The following JMJD1C variants were observed in gnomAD, a reference collection of about 807,000 sequenced individuals.
JMJD1C encodes the protein jumonji domain containing 1C, also known as jumonji domain-containing protein 1C.
Under a neutral mutation model 245.3 loss-of-function variants are expected in JMJD1C, and 31 were observed. That is an observed-to-expected ratio of 0.13 (90% confidence interval 0.09 to 0.17). The LOEUF is 0.17. Among genes scored for constraint, JMJD1C ranks in the 10% least tolerant of loss-of-function variants. The pLI is 1.00. For missense variants in JMJD1C, 2,691 were observed against 3,000.2 expected (o/e 0.90, Z 2.41); for synonymous variants, 1,057 against 1,017.4 (o/e 1.04, Z -0.74).
chr10:63,207,891 A>G lies in JMJD1C; in HGVS notation c.3778T>C (p.Ser1260Pro). 6.2e-7 allele frequency: 1 copy of G among 1,614,004 alleles called. No individual in the cohort carries two copies. Among genetic ancestry groups the G allele is most frequent in the Non-Finnish European group, 8.5e-7 (1 of 1,179,972 alleles). Reference sequence around the variant, plus strand: ...GAAGAACTCTTAAAATTTGCCTGGGAGTCTTTTGGTTCGGGTATTAGAGTT... The same window carrying G: ...GAAGAACTCTTAAAATTTGCCTGGGGGTCTTTTGGTTCGGGTATTAGAGTT... Reference protein sequence around the residue: ...PPTLIPEPKDSQANFKSSSEQ... With the variant: ...PPTLIPEPKDPQANFKSSSEQ... The change falls in exon 10 of 26, where the codon TCC becomes CCC. Residue 1260 changes from serine to proline, a missense_variant. Physicochemically the swap from Ser to Pro is moderately conservative, Grantham distance 74 (BLOSUM62 -1). Transcript: ENST00000399262.
At chr10:63,211,847 A>AAC (rs1847392249) in intron 8 of JMJD1C, among the ~76,000 whole-genome samples, 6 of 135,576 alleles carry the variant, frequency 4.4e-5, no homozygotes, top group African/African-American at 8.0e-5. Flanking sequence ...AAAAAAAAAA[A>AAC]CCCCACAAAA....
chr10:63,446,676 G>A (rs1184240236), intron 1 of JMJD1C, among the ~76,000 whole-genome samples: 2 of 152,148 alleles, frequency 1.3e-5, no homozygotes, highest in East Asian at 3.9e-4. Context: ...AGTACTTGAA[G>A]GAAAAGAAGG....
chr10:63,244,966 A>C (rs1851987894), intron 3 of JMJD1C, among the ~76,000 whole-genome samples: 1 of 151,864 alleles, frequency 6.6e-6, no homozygotes, highest in Admixed American at 6.6e-5. Context: ...GTGAAACCCC[A>C]CTTCTACTAA....
chr10:63,202,613 CTCTCTG>C (rs1846153746), intron 10 of JMJD1C: 8 of 985,436 alleles, frequency 8.1e-6, no homozygotes, highest in Admixed American at 6.1e-5. Flanking sequence ...ATGCTTTCCC[CTCTCTG>C]TCTCTAACTT....
chr10:63,392,399 A>C (rs769106792), intron 1 of JMJD1C, among the ~76,000 whole-genome samples: 2 of 152,196 alleles, frequency 1.3e-5, no homozygotes, highest in Non-Finnish European at 2.9e-5. Flanking sequence ...TCTGCACGGC[A>C]AAGGAAACAA....
At chr10:63,208,962 A>G in intron 9 of JMJD1C, 101 bp downstream of exon 9, 2 of 1,146,280 alleles carry the variant, frequency 1.7e-6, no homozygotes, top group Non-Finnish European at 1.2e-6. Context: ...AACAAAGCCT[A>G]ATCTTAAGAT....
intron 10 of JMJD1C, among the ~76,000 whole-genome samples, chr10:63,205,725 G>T (rs1028675738): frequency 2.6e-5 from 4 of 152,182 alleles, no homozygotes; most frequent in African/African-American, 9.7e-5. Context: ...GTAGATAATT[G>T]TAACACAAAG....
intron 2 of JMJD1C, among the ~76,000 whole-genome samples, chr10:63,314,132 A>T (rs1438076051): frequency 2.6e-5 from 4 of 152,184 alleles, no homozygotes; most frequent in African/African-American, 4.8e-5. Context: ...TCATTCTTCT[A>T]CATGTGACTT....
chr10:63,204,145 A>G (rs1431248499), intron 10 of JMJD1C: 6 of 982,706 alleles, frequency 6.1e-6, no homozygotes, highest in African/African-American at 1.7e-5. Flanking sequence ...TAAGAAAAAA[A>G]AAACTTTTCT....
At chr10:63,403,300 G>A (rs1173845984) in intron 1 of JMJD1C, among the ~76,000 whole-genome samples, 1 of 152,170 alleles carries the variant, frequency 6.6e-6, no homozygotes, top group Non-Finnish European at 1.5e-5. Flanking sequence ...TACCAATTTA[G>A]TAAGACTGAC....
intron 3 of JMJD1C, among the ~76,000 whole-genome samples, chr10:63,264,397 C>CTT (rs1370621888): frequency 2.0e-5 from 3 of 152,014 alleles, no homozygotes; most frequent in Non-Finnish European, 2.9e-5. Flanking sequence ...ATGTCAGATA[C>CTT]TTTATTTTGT....
chr10:63,213,870 G>A lies in JMJD1C; in HGVS notation c.2297C>T (p.Ala766Val), dbSNP rs769363148. 1 of 1,614,088 alleles carries A rather than the reference G, an allele frequency of 6.2e-7. No homozygotes were observed. The highest frequency in any genetic ancestry group is 8.5e-7 in the Non-Finnish European group (1 of 1,179,968). The change falls in exon 8 of 26, where the codon GCC (alanine) becomes GTC (valine). Residue 766 changes from alanine (A) to valine (V), a missense_variant. Ala to Val is a moderately conservative substitution (Grantham distance 64, BLOSUM62 0). Coordinates refer to ENST00000399262, the MANE Select transcript of JMJD1C (RefSeq NM_032776.3). ...TAATGGAGTTTGACTAGATGATCCGGCTAGTAAATGGGGTGCAGGAGTTAA... is the reference window on the plus strand; with the variant it reads ...TAATGGAGTTTGACTAGATGATCCGACTAGTAAATGGGGTGCAGGAGTTAA... ...PALTPAPHLL[A>V]GSSSQTPLPT...
chr10:63,225,170 T>A (rs1165253296), intron 3 of JMJD1C, among the ~76,000 whole-genome samples: 1 of 152,136 alleles, frequency 6.6e-6, no homozygotes, highest in Non-Finnish European at 1.5e-5. Flanking sequence ...GAATAACTAA[T>A]ACCTATTAAT....
chr10:63,314,199 T>C, intron 2 of JMJD1C, among the ~76,000 whole-genome samples: 1 of 152,230 alleles, frequency 6.6e-6, no homozygotes, highest in Non-Finnish European at 1.5e-5. Flanking sequence ...CTTCATGTTT[T>C]TGTTTGTTTT....
chr10:63,303,775 A>AT, intron 2 of JMJD1C, among the ~76,000 whole-genome samples: 1 of 152,334 alleles, frequency 6.6e-6, no homozygotes, highest in South Asian at 2.1e-4. Flanking sequence ...AGGTTTAAAA[A>AT]ATATATTTTT....
chr10:63,371,700 T>A (rs1032620327), intron 2 of JMJD1C, among the ~76,000 whole-genome samples: 3 of 152,192 alleles, frequency 2.0e-5, no homozygotes, highest in Non-Finnish European at 4.4e-5. Context: ...TCCAAAAGAA[T>A]AATGTCATTT....
intron 1 of JMJD1C, among the ~76,000 whole-genome samples, chr10:63,394,318 G>A (rs761387136): frequency 7.2e-5 from 11 of 152,022 alleles, no homozygotes; most frequent in Middle Eastern, 3.2e-3. Flanking sequence ...TAAAAAATGT[G>A]CAAAGGTAAT....
intron 1 of JMJD1C, among the ~76,000 whole-genome samples, chr10:63,413,390 A>C (rs1444008050): frequency 6.6e-6 from 1 of 152,170 alleles, no homozygotes; most frequent in African/African-American, 2.4e-5. Context: ...TAACATTCTT[A>C]AAATTTATGA....
chr10:63,220,411 C>T (rs1040252887), intron 3 of JMJD1C, among the ~76,000 whole-genome samples: 2 of 152,154 alleles, frequency 1.3e-5, no homozygotes, highest in African/African-American at 4.8e-5. Context: ...AATACTTAAC[C>T]TCTAGACTTT....
Sources: gnomAD v4.1 joint callset for allele counts (sites outside exome capture counted in the v4.1 genomes callset) on GRCh38, gnomAD v4.1.1 for gene constraint, MANE v1.5 for transcripts, NCBI Gene and HGNC (gene_info 2026-07-23, HGNC 2026-07-21) for gene names.